The following MAPKAP1 variants were observed in gnomAD, a reference collection of about 807,000 sequenced individuals.
The protein encoded by MAPKAP1 is MAPK associated protein 1.
MAPKAP1 carries 20 observed loss-of-function variants against 65.7 expected under a neutral mutation model. The observed-to-expected ratio is 0.30, with a 90% CI of 0.21 to 0.44. The LOEUF (loss-of-function observed/expected upper bound fraction) is 0.44, where lower values mean the gene tolerates loss of function less well. MAPKAP1 is among the 20% of genes least tolerant of loss of function. The probability of loss-of-function intolerance (pLI) is 1.00; values close to 1 mark genes in which losing one functional copy is unlikely to be tolerated. For missense variants in MAPKAP1, 423 were observed against 648.0 expected (o/e 0.65, Z 3.77); for synonymous variants, 222 against 244.3 (o/e 0.91, Z 0.85).
intron 1 of MAPKAP1, among the ~76,000 whole-genome samples, chr9:125,693,638 C>CACATACACGTATACAT (rs1835259326): frequency 7.0e-6 from 1 of 143,240 alleles, no homozygotes; most frequent in African/African-American, 2.6e-5. Context: ...CACATATACA[C>CACATACACGTATACAT]ACACATATAC....
chr9:125,564,549 A>G (rs1209639235), intron 5 of MAPKAP1, among the ~76,000 whole-genome samples: 4 of 152,204 alleles, frequency 2.6e-5, no homozygotes, highest in African/African-American at 9.7e-5. Context: ...CACACAGAGA[A>G]TCACTTGTCC....
At chr9:125,484,637 G>T (rs1227105998) in intron 8 of MAPKAP1, 54 bp from the exon 9 acceptor site, 3 of 1,534,002 alleles carry the variant, frequency 2.0e-6, no homozygotes, top group Non-Finnish European at 2.6e-6. Flanking sequence ...TTGGCAAATG[G>T]TGTCTGCTTA....
chr9:125,466,434 C>T (rs1218167493), intron 10 of MAPKAP1, among the ~76,000 whole-genome samples: 1 of 152,214 alleles, frequency 6.6e-6, no homozygotes, highest in Non-Finnish European at 1.5e-5. Context: ...ATTTCTTTCT[C>T]TAACCTTTCC....
rs35867576 is a variant in MAPKAP1, at chr9:125,503,880, C to CTTTTTTTTTTTTTTTTTTTTTTT, written c.1066+2407_1066+2429dup. 3.0e-4 allele frequency among the ~76,000 whole-genome samples: 20 copies of CTTTTTTTTTTTTTTTTTTTTTTT among 66,246 alleles called. 4 individuals carry two copies. The highest frequency in any genetic ancestry group is 7.1e-4 in the African/African-American group (9 of 12,594). The allele number at this position is 66,246 out of a possible 152,430, so 43.5% of individuals were successfully genotyped here. On this transcript the variant is annotated intron_variant, in intron 8 of 11. Transcript: ENST00000265960. ...TATAGGCACCCGCCACCACGCTTGG[C>CTTTTTTTTTTTTTTTTTTTTTTT]TTTTTTTTTTTTTTTTTTTTTTTTT...
chr9:125,461,178 AT>A (rs1191497230), intron 10 of MAPKAP1, among the ~76,000 whole-genome samples: 1 of 152,224 alleles, frequency 6.6e-6, no homozygotes, highest in Non-Finnish European at 1.5e-5. Flanking sequence ...ACAGTTCAAC[AT>A]TAGATGACGC....
chr9:125,504,929 C>T (rs1829094163), intron 8 of MAPKAP1, among the ~76,000 whole-genome samples: 1 of 152,188 alleles, frequency 6.6e-6, no homozygotes, highest in African/African-American at 2.4e-5. Context: ...TACTGAGATC[C>T]TGTAGCACAT....
chr9:125,583,693 T>C (rs1463274576), intron 5 of MAPKAP1, among the ~76,000 whole-genome samples: 1 of 152,248 alleles, frequency 6.6e-6, no homozygotes, highest in Non-Finnish European at 1.5e-5. Context: ...GTTCAATTCC[T>C]ATCTCTGTTA....
intron 8 of MAPKAP1, among the ~76,000 whole-genome samples, chr9:125,491,960 GCGGGA>G (rs1854750393): frequency 2.1e-5 from 1 of 48,520 alleles, no homozygotes; most frequent in Non-Finnish European, 4.6e-5. Context: ...GGAAGCCAAA[GCGGGA>G]GCACTGTTTG....
chr9:125,542,060 C>T (rs1455331393), intron 7 of MAPKAP1, among the ~76,000 whole-genome samples: 1 of 152,178 alleles, frequency 6.6e-6, no homozygotes, highest in Non-Finnish European at 1.5e-5. Context: ...CAGCATCTCT[C>T]TCTCTCTCTC....
intron 5 of MAPKAP1, among the ~76,000 whole-genome samples, chr9:125,583,219 T>G (rs981740817): frequency 5.2e-4 from 79 of 152,348 alleles, no homozygotes; most frequent in Non-Finnish European, 9.1e-4. Flanking sequence ...TTTCCCTCTG[T>G]TGGAATGCCC....
chr9:125,577,249 C>G (rs571795937), intron 5 of MAPKAP1, among the ~76,000 whole-genome samples: 5 of 151,210 alleles, frequency 3.3e-5, no homozygotes, highest in Admixed American at 2.6e-4. Context: ...CTGGCAACCG[C>G]CCCGTCTGAG....
intron 7 of MAPKAP1, among the ~76,000 whole-genome samples, chr9:125,515,090 T>C (rs1829422132): frequency 6.6e-6 from 1 of 152,100 alleles, no homozygotes; most frequent in Admixed American, 6.6e-5. Context: ...TAGTTTGGAA[T>C]TTAAATAATA....
At chr9:125,641,250 C>A (rs1161854871) in intron 4 of MAPKAP1, among the ~76,000 whole-genome samples, 1 of 152,128 alleles carries the variant, frequency 6.6e-6, no homozygotes, top group Non-Finnish European at 1.5e-5. Context: ...ACATAATAGC[C>A]ATTCAAAATT....
chr9:125,448,737 G>A (rs1316686583), intron 10 of MAPKAP1, among the ~76,000 whole-genome samples: 1 of 152,196 alleles, frequency 6.6e-6, no homozygotes, highest in Non-Finnish European at 1.5e-5. Flanking sequence ...GGGCGCAGTG[G>A]CTCAAGCCTG....
intron 5 of MAPKAP1, among the ~76,000 whole-genome samples, chr9:125,580,752 T>C (rs1049826644): frequency 1.3e-5 from 2 of 152,152 alleles, no homozygotes; most frequent in African/African-American, 4.8e-5. Context: ...TGTGTGTGTG[T>C]TGTGTAGTTC....
At chr9:125,470,127 T>C (rs922263492) in intron 9 of MAPKAP1, among the ~76,000 whole-genome samples, 11 of 152,250 alleles carry the variant, frequency 7.2e-5, no homozygotes, top group Non-Finnish European at 1.6e-4. Flanking sequence ...CCTACAACTC[T>C]TGAAGCTGTA....
intron 8 of MAPKAP1, among the ~76,000 whole-genome samples, chr9:125,504,019 G>A (rs549942384): frequency 1.3e-5 from 2 of 151,084 alleles, no homozygotes; most frequent in Non-Finnish European, 2.9e-5. Context: ...TTACAGGCAA[G>A]AGCCACCCTG....
chr9:125,687,124 CTTTT>C (rs528933268), intron 1 of MAPKAP1, among the ~76,000 whole-genome samples: 1 of 133,314 alleles, frequency 7.5e-6, no homozygotes. Flanking sequence ...CCATGCCCAT[CTTTT>C]TTTTTTTTTT....
intron 1 of MAPKAP1, among the ~76,000 whole-genome samples, chr9:125,695,371 G>A (rs1371972562): frequency 6.6e-6 from 1 of 152,150 alleles, no homozygotes; most frequent in African/African-American, 2.4e-5. Flanking sequence ...GCTTTGCAGA[G>A]GGATGCCGAA....
Sources: allele counts gnomAD v4.1 joint callset (sites outside exome capture counted in the v4.1 genomes callset), GRCh38; gene constraint gnomAD v4.1.1; transcripts MANE v1.5; gene names NCBI Gene and HGNC (gene_info 2026-07-23, HGNC 2026-07-21).